The following RNF220 variants were observed in gnomAD, a reference collection of about 807,000 sequenced individuals.
RNF220 encodes the protein E3 ubiquitin-protein ligase RNF220.
Under a neutral mutation model 67.1 loss-of-function variants are expected in RNF220, and 7 were observed. The observed-to-expected ratio is 0.10, with a 90% CI of 0.06 to 0.20. The LOEUF (loss-of-function observed/expected upper bound fraction) is 0.20. RNF220 is among the 10% of genes least tolerant of loss of function. The probability of loss-of-function intolerance (pLI) is 1.00; values close to 1 mark genes in which losing one functional copy is unlikely to be tolerated. For missense variants in RNF220, 565 were observed against 740.3 expected (o/e 0.76, Z 2.75); for synonymous variants, 270 against 283.2 (o/e 0.95, Z 0.47).
At chr1:44,431,739 G>T (rs141091983) in intron 2 of RNF220, among the ~76,000 whole-genome samples, 9 of 152,282 alleles carry the variant, frequency 5.9e-5, no homozygotes, top group Non-Finnish European at 1.2e-4. Context: ...TCATGCACCA[G>T]CAGGCCTGGT....
At chr1:44,502,237 G>T (rs543036465) in intron 2 of RNF220, among the ~76,000 whole-genome samples, 2 of 151,906 alleles carry the variant, frequency 1.3e-5, no homozygotes, top group East Asian at 3.9e-4. Context: ...TAAGGCTGCC[G>T]CATGATCCAG....
chr1:44,424,376 A>G (rs977741127), intron 2 of RNF220, among the ~76,000 whole-genome samples: 11 of 152,024 alleles, frequency 7.2e-5, no homozygotes, highest in African/African-American at 2.7e-4. Flanking sequence ...CCCACACTAG[A>G]CTTCATCTTC....
At chr1:44,641,319 G>T (rs2148497843) in intron 8 of RNF220, among the ~76,000 whole-genome samples, 1 of 152,278 alleles carries the variant, frequency 6.6e-6, no homozygotes, top group East Asian at 1.9e-4. Flanking sequence ...TTTAAGCTGG[G>T]GCAGAACTGT....
chr1:44,635,726 T>C lies in RNF220; in HGVS notation c.993+138T>C, dbSNP rs1426603383. On this transcript the variant is annotated intron_variant, in intron 7 of 14. Coordinates refer to ENST00000361799, the MANE Select transcript of RNF220 (RefSeq NM_018150.4). ...GCTCCCTTCCCCCGACACTAGCTGC[T>C]GACTGCCCCTGAATCTGTGGGCTCT... The C allele has an allele frequency of 4.6e-6, 7 of 1,508,984 alleles. No homozygotes were observed. In the South Asian group the frequency reaches 7.7e-5, roughly 17 times the overall value. 93.5% of individuals were successfully genotyped at this position (1,508,984 alleles called of 1,614,324 possible).
intron 2 of RNF220, among the ~76,000 whole-genome samples, chr1:44,436,700 G>A (rs1651008779): frequency 6.6e-6 from 1 of 152,196 alleles, no homozygotes; most frequent in African/African-American, 2.4e-5. Context: ...AAAGCAGGGT[G>A]CTGATGAGAT....
chr1:44,638,051 G>A (rs368858072), intron 8 of RNF220, among the ~76,000 whole-genome samples: 1 of 152,222 alleles, frequency 6.6e-6, no homozygotes, highest in Non-Finnish European at 1.5e-5. Flanking sequence ...TCAGTGGGGG[G>A]GCTATCAAAG....
chr1:44,628,300 C>T (rs1310445600), intron 5 of RNF220, among the ~76,000 whole-genome samples: 2 of 152,018 alleles, frequency 1.3e-5, no homozygotes, highest in African/African-American at 4.8e-5. Flanking sequence ...CCACCTTCCT[C>T]CCCACAAATG....
chr1:44,448,400 T>C (rs753354600), intron 2 of RNF220, among the ~76,000 whole-genome samples: 4 of 152,246 alleles, frequency 2.6e-5, no homozygotes, highest in Non-Finnish European at 5.9e-5. Context: ...ATTGAGTTTC[T>C]GGACTAGCAA....
At chr1:44,589,101 CT>C (rs1407692518) in intron 2 of RNF220, among the ~76,000 whole-genome samples, 3 of 152,214 alleles carry the variant, frequency 2.0e-5, no homozygotes. Flanking sequence ...GCAGGTTGAA[CT>C]TTAAACCCAC....
chr1:44,407,571 C>T (rs1647478513), intron 1 of RNF220, among the ~76,000 whole-genome samples: 3 of 152,164 alleles, frequency 2.0e-5, no homozygotes, highest in East Asian at 1.9e-4. Context: ...GACGGGGCGG[C>T]GCCGCGTCGC....
chr1:44,556,131 T>C (rs995404837), intron 2 of RNF220, among the ~76,000 whole-genome samples: 1 of 143,812 alleles, frequency 7.0e-6, no homozygotes, highest in Non-Finnish European at 1.5e-5. Context: ...GCCTCCCAGG[T>C]TCAAGCAATT....
rs185057302 is a variant in RNF220 at position 44,487,540 on chromosome 1, G to A, written c.625+74818G>A. Among the ~76,000 whole-genome samples the A allele has an allele frequency of 6.2e-3, 937 of 150,550 alleles. 7 individuals are homozygous for A. Among genetic ancestry groups the A allele is most frequent in the Middle Eastern group, 0.021 (6 of 286 alleles). ...CATCCTTGTTTGTTTGAGTTATAAAGTAGGGACGTGGGCCGAGCATGGTGG... is the reference window on the plus strand; with the variant it reads ...CATCCTTGTTTGTTTGAGTTATAAAATAGGGACGTGGGCCGAGCATGGTGG... On this transcript the variant is annotated intron_variant, in intron 2 of 14. Coordinates refer to ENST00000361799, the MANE Select transcript of RNF220 (RefSeq NM_018150.4).
chr1:44,585,870 G>C (rs914509950), intron 2 of RNF220, among the ~76,000 whole-genome samples: 6 of 152,106 alleles, frequency 3.9e-5, no homozygotes, highest in African/African-American at 1.4e-4. Flanking sequence ...CAGGTGCTCT[G>C]GCTATGTTTG....
chr1:44,627,284 G>C (rs1368908791), intron 5 of RNF220, among the ~76,000 whole-genome samples: 5 of 138,716 alleles, frequency 3.6e-5, no homozygotes, highest in African/African-American at 1.4e-4. Context: ...GGCAGAGGTT[G>C]CAGTGAGCTG....
intron 2 of RNF220, among the ~76,000 whole-genome samples, chr1:44,510,381 T>G (rs1658889511): frequency 6.6e-6 from 1 of 152,106 alleles, no homozygotes; most frequent in Admixed American, 6.5e-5. Context: ...GAGCAGCACC[T>G]TCCTCCCCAA....
intron 2 of RNF220, among the ~76,000 whole-genome samples, chr1:44,609,922 G>A (rs928124846): frequency 1.3e-5 from 2 of 152,176 alleles, no homozygotes; most frequent in African/African-American, 4.8e-5. Context: ...CCTGACTCCC[G>A]GTCCCTGCCT....
At chr1:44,464,987 TGTCTGGATGGCAAG>T (rs1654137781) in intron 2 of RNF220, among the ~76,000 whole-genome samples, 1 of 152,138 alleles carries the variant, frequency 6.6e-6, no homozygotes, top group Non-Finnish European at 1.5e-5. Context: ...ATACTGAGAG[TGTCTGGATGGCAAG>T]AAATGTGTTT....
At chr1:44,425,447 C>G (rs1649662999) in intron 2 of RNF220, among the ~76,000 whole-genome samples, 1 of 152,102 alleles carries the variant, frequency 6.6e-6, no homozygotes, top group African/African-American at 2.4e-5. Context: ...GCTGAGTTTG[C>G]AGAGTTGCCA....
intron 2 of RNF220, among the ~76,000 whole-genome samples, chr1:44,609,168 A>G (rs11211017): frequency 0.21 from 32,358 of 151,950 alleles, 3,908 homozygotes; most frequent in Middle Eastern, 0.38. Context: ...GGTAGGACAC[A>G]CGTGTGTACA....
Sources: gnomAD v4.1 joint callset for allele counts (sites outside exome capture counted in the v4.1 genomes callset) on GRCh38, gnomAD v4.1.1 for gene constraint, MANE v1.5 for transcripts, NCBI Gene and HGNC (gene_info 2026-07-23, HGNC 2026-07-21) for gene names.